The following FSTL5 variants were observed in gnomAD, a reference collection of about 807,000 sequenced individuals.
FSTL5 encodes the protein follistatin like 5.
FSTL5 carries 62 observed loss-of-function variants against 89.1 expected under a neutral mutation model. The observed-to-expected ratio is 0.70, with a 90% CI of 0.57 to 0.86. FSTL5 has a LOEUF of 0.86. Among genes scored for constraint, FSTL5 ranks in the 40% least tolerant of loss-of-function variants. The pLI is 0.00. For synonymous variants in FSTL5, 383 were observed against 346.2 expected (o/e 1.11, Z -1.18); for missense variants, 1,057 against 1,001.6 (o/e 1.06, Z -0.75).
intron 8 of FSTL5, among the ~76,000 whole-genome samples, chr4:161,574,441 A>G (rs1244557375): frequency 6.6e-6 from 1 of 150,528 alleles, no homozygotes; most frequent in African/African-American, 2.4e-5. Flanking sequence ...GGTTTGCTGC[A>G]CCTATCAACC....
At chr4:161,488,562 A>C (rs1729758215) in intron 12 of FSTL5, among the ~76,000 whole-genome samples, 1 of 152,134 alleles carries the variant, frequency 6.6e-6, no homozygotes, top group African/African-American at 2.4e-5. Flanking sequence ...GTAGTGTCCA[A>C]GGGTGCACTT....
At chr4:161,504,339 T>C (rs948066958) in intron 11 of FSTL5, among the ~76,000 whole-genome samples, 1 of 152,046 alleles carries the variant, frequency 6.6e-6, no homozygotes, top group South Asian at 2.1e-4. Context: ...AAAGTTTGAG[T>C]AGTGGTGATC....
chr4:161,724,819 G>T (rs9308037), intron 6 of FSTL5, among the ~76,000 whole-genome samples: 1 of 152,162 alleles, frequency 6.6e-6, no homozygotes, highest in Admixed American at 6.5e-5. Flanking sequence ...TAATATAAAA[G>T]TACTCAATGC....
intron 2 of FSTL5, among the ~76,000 whole-genome samples, chr4:162,100,386 C>T (rs1730947303): frequency 6.6e-6 from 1 of 151,984 alleles, no homozygotes; most frequent in Admixed American, 6.6e-5. Flanking sequence ...CGGTGAAACC[C>T]CAACTCTACT....
chr4:162,027,215 A>G (rs1737327602), intron 3 of FSTL5, among the ~76,000 whole-genome samples: 1 of 152,118 alleles, frequency 6.6e-6, no homozygotes, highest in Non-Finnish European at 1.5e-5. Context: ...ACTTATTTCA[A>G]TGAGTTTTTT....
intron 6 of FSTL5, among the ~76,000 whole-genome samples, chr4:161,693,732 G>A (rs1028402749): frequency 2.9e-5 from 4 of 138,486 alleles, no homozygotes; most frequent in Non-Finnish European, 6.1e-5. Context: ...TCTGCATCCC[G>A]GGTTCACGCC....
intron 3 of FSTL5, among the ~76,000 whole-genome samples, chr4:161,998,111 G>T (rs774573445): frequency 1.1e-4 from 17 of 152,092 alleles, no homozygotes; most frequent in Non-Finnish European, 1.5e-4. Context: ...TCTACTCTTT[G>T]CTTTAGAATT....
chr4:162,123,183 GA>G (rs951431625), intron 1 of FSTL5, among the ~76,000 whole-genome samples: 3 of 151,378 alleles, frequency 2.0e-5, no homozygotes, highest in Non-Finnish European at 2.9e-5. Flanking sequence ...TATTGTACAA[GA>G]AAAAAAAATC....
intron 2 of FSTL5, among the ~76,000 whole-genome samples, chr4:162,104,312 C>G (rs2111391084): frequency 6.6e-6 from 1 of 152,298 alleles, no homozygotes; most frequent in East Asian, 1.9e-4. Flanking sequence ...AGCTATAACA[C>G]TCACCACATG....
intron 15 of FSTL5, among the ~76,000 whole-genome samples, chr4:161,400,000 TA>T (rs1731131224): frequency 6.6e-6 from 1 of 152,150 alleles, no homozygotes; most frequent in South Asian, 2.1e-4. Context: ...TGTTTATAAT[TA>T]ATAATAGCAA....
intron 4 of FSTL5, among the ~76,000 whole-genome samples, chr4:161,908,701 CA>C (rs1560910606): frequency 6.6e-6 from 1 of 152,124 alleles, no homozygotes; most frequent in African/African-American, 2.4e-5. Flanking sequence ...GAAATTAAGT[CA>C]AAAATGTTTT....
intron 4 of FSTL5, among the ~76,000 whole-genome samples, chr4:161,813,885 G>A (rs139135867): frequency 1.3e-3 from 205 of 152,072 alleles, no homozygotes; most frequent in Admixed American, 2.9e-3. Context: ...ATAGTTCTGT[G>A]TCTCTTTTTA....
intron 6 of FSTL5, among the ~76,000 whole-genome samples, chr4:161,718,086 T>C (rs544851406): frequency 6.7e-6 from 1 of 150,204 alleles, no homozygotes; most frequent in Non-Finnish European, 1.5e-5. Flanking sequence ...ATAATGTTCA[T>C]GTTTTATTTG....
At position 161,723,831 on chromosome 4, in the gene FSTL5, G is replaced by T. The variant is rs1422800899; in HGVS notation, c.727+35580C>A. Among the ~76,000 whole-genome samples the T allele has an allele frequency of 2.0e-5, 3 of 152,110 alleles. No homozygotes were observed. In the South Asian group the frequency reaches 6.2e-4, roughly 32 times the overall value. On this transcript the variant is annotated intron_variant, in intron 6 of 15. Coordinates refer to ENST00000306100, the MANE Select transcript of FSTL5 (RefSeq NM_020116.5). ...AAACCAACATCAGATTTGAGAAAAGGTATTTAATAAGTGGGAAAAGATACC... is the reference window on the plus strand; with the variant it reads ...AAACCAACATCAGATTTGAGAAAAGTTATTTAATAAGTGGGAAAAGATACC...
chr4:162,078,572 A>C (rs192181518), intron 2 of FSTL5, among the ~76,000 whole-genome samples: 45 of 151,952 alleles, frequency 3.0e-4, no homozygotes, highest in Admixed American at 3.0e-3. Context: ...AGTATTTCTC[A>C]TTACTACATT....
chr4:161,595,640 A>C (rs1733988634), intron 7 of FSTL5, among the ~76,000 whole-genome samples: 1 of 152,044 alleles, frequency 6.6e-6, no homozygotes. Context: ...GAGTAACAAA[A>C]CATTTAATAA....
chr4:161,664,585 A>G (rs1736822087), intron 6 of FSTL5, among the ~76,000 whole-genome samples: 1 of 152,260 alleles, frequency 6.6e-6, no homozygotes, highest in Middle Eastern at 3.4e-3. Context: ...AAGCCATTTA[A>G]TAAGTCTCTA....
At chr4:161,793,068 A>T (rs1729529266) in intron 4 of FSTL5, among the ~76,000 whole-genome samples, 1 of 152,178 alleles carries the variant, frequency 6.6e-6, no homozygotes, top group Admixed American at 6.5e-5. Flanking sequence ...ATCCATATGC[A>T]GTTGCCCTCA....
At chr4:162,101,749 G>A (rs779960840) in intron 2 of FSTL5, among the ~76,000 whole-genome samples, 3 of 152,106 alleles carry the variant, frequency 2.0e-5, no homozygotes, top group African/African-American at 4.8e-5. Flanking sequence ...TAAACATGCC[G>A]AATGTCAAGC....
Sources: allele counts gnomAD v4.1 joint callset (sites outside exome capture counted in the v4.1 genomes callset), GRCh38; gene constraint gnomAD v4.1.1; transcripts MANE v1.5; gene names NCBI Gene and HGNC (gene_info 2026-07-23, HGNC 2026-07-21).